DIP2A: variants seen among roughly 807,000 people sequenced by gnomAD.
DIP2A encodes DIP2 acetate--CoA ligase A, also known as disco-interacting protein 2 homolog A.
Under a neutral mutation model 177.4 loss-of-function variants are expected in DIP2A, and 85 were observed. The observed-to-expected ratio is 0.48, with a 90% CI of 0.40 to 0.57. The LOEUF is 0.57. Ranked by LOEUF, DIP2A falls within the 20% of genes least tolerant of loss-of-function variation. The probability of loss-of-function intolerance (pLI) is 0.00; values close to 1 mark genes in which losing one functional copy is unlikely to be tolerated. For synonymous variants in DIP2A, 886 were observed against 881.8 expected, an observed-to-expected ratio of 1.00 and a Z score of -0.08; for missense variants, 1,791 against 2,100.2, an observed-to-expected ratio of 0.85 and a Z score of 2.88.
chr21:46,475,296 T>A (rs1287541925), intron 1 of DIP2A, among the ~76,000 whole-genome samples: 1 of 152,264 alleles, frequency 6.6e-6, no homozygotes, highest in Non-Finnish European at 1.5e-5. Context: ...CCTGCTATTT[T>A]AAAAGGTTTA....
intron 6 of DIP2A, among the ~76,000 whole-genome samples, chr21:46,509,003 GTGAGTCTCCGTCTAAAGCA>G (rs2058169593): frequency 6.6e-6 from 1 of 152,038 alleles, no homozygotes; most frequent in Non-Finnish European, 1.5e-5. Flanking sequence ...TGGCAACAGA[GTGAGTCTCCGTCTAAAGCA>G]AAAAAACAAA....
chr21:46,517,491 C>T (rs989570194), intron 8 of DIP2A, among the ~76,000 whole-genome samples: 2 of 152,170 alleles, frequency 1.3e-5, no homozygotes, highest in African/African-American at 2.4e-5. Flanking sequence ...GCTGGCTGGT[C>T]GCTGCAGTCC....
At position 46,511,463 on chromosome 21, in the gene DIP2A, G is replaced by A. The variant is rs371373717; in HGVS notation, c.951G>A (p.Thr317=). Residue 317 remains threonine (T), a synonymous_variant, in exon 8 of 38, where the codon ACG becomes ACA. Coordinates refer to ENST00000417564, the MANE Select transcript of DIP2A (RefSeq NM_015151.4). ...PNQPKPEGSE[T]SVLRGEPLTA... is the part of the protein sequence containing the mutation. ...AGCCAAAGCCTGAGGGAAGCGAGACGAGTGTGCTGAGAGGGGAGCCTCTCA... is the reference window on the plus strand; with the variant it reads ...AGCCAAAGCCTGAGGGAAGCGAGACAAGTGTGCTGAGAGGGGAGCCTCTCA... 2.7e-5 allele frequency: 43 copies of A among 1,613,028 alleles called. No individual in the cohort carries two copies. Among genetic ancestry groups the A allele is most frequent in the Admixed American group, 8.3e-5 (5 of 59,900 alleles).
rs762054063 is a variant in DIP2A, at chr21:46,477,571, T to TG, written c.92-7186_92-7185insG. Among the ~76,000 whole-genome samples, 46 of 66,574 alleles carry TG rather than the reference T, an allele frequency of 6.9e-4. 3 individuals carry two copies. The highest frequency in any genetic ancestry group is 3.1e-3 in the South Asian group (7 of 2,272). 43.7% of individuals were successfully genotyped at this position (66,574 alleles called of 152,430 possible). On this transcript the variant is annotated intron_variant, in intron 1 of 37. Coordinates refer to ENST00000417564, the MANE Select transcript of DIP2A (RefSeq NM_015151.4). ...TGTGTGTGTGTGTGTGTGTGTGTAT[T>TG]TCTTTTTTTTTTTTTTTCTTGAGTC...
Position 46,549,819 on chromosome 21 carries a change from G to A in DIP2A, c.2571G>A (p.Leu857=), listed in dbSNP as rs772465421. The A allele has an allele frequency of 4.3e-6, 7 of 1,613,600 alleles. No homozygotes were observed. The East Asian group carries it at 1.6e-4, about 36-fold the overall frequency. ...VTVLHDDRIV[L]VAEQRPDASE... ...TGCTGCACGACGACCGGATTGTCCT[G>A]GTGGCTGAGCAGCGGCCGGATGCCT... Residue 857 remains leucine (L), a synonymous_variant, in exon 22 of 38, where the codon CTG becomes CTA. Coordinates refer to ENST00000417564, the MANE Select transcript of DIP2A (RefSeq NM_015151.4).
In DIP2A at chr21:46,551,836, G is replaced by C. The variant is rs2060284081; in HGVS notation, c.2962G>C (p.Ala988Pro). ...CCCTCTCGTGCAGTTCCTGTTCCTG[G>C]CTGACGTGCTGCAGTGGCGTGCCCA... ...SDQARKFLFL[A>P]DVLQWRAHTT... Residue 988 changes from alanine (A) to proline (P), a missense_variant, in exon 25 of 38, where the codon GCT (alanine) becomes CCT (proline). Coordinates refer to ENST00000417564, the MANE Select transcript of DIP2A (RefSeq NM_015151.4). 8.1e-6 allele frequency: 13 copies of C among 1,612,488 alleles called. No homozygotes were observed. In the Admixed American group the frequency reaches 2.2e-4, roughly 27 times the overall value.
At chr21:46,508,035 GC>G (rs1011925892) in intron 6 of DIP2A, among the ~76,000 whole-genome samples, 1 of 150,768 alleles carries the variant, frequency 6.6e-6, no homozygotes, top group Non-Finnish European at 1.5e-5. Context: ...ACTGTGCCCA[GC>G]CCCCCATTTT....
intron 20 of DIP2A, among the ~76,000 whole-genome samples, chr21:46,546,662 C>T (rs757496203): frequency 3.9e-5 from 6 of 152,294 alleles, no homozygotes; most frequent in Admixed American, 1.3e-4. Context: ...CATAGCCTGC[C>T]CCTTTCCCAT....
chr21:46,484,979 G>A (rs571583853), intron 2 of DIP2A, 151 bp downstream of exon 2: 33 of 305,700 alleles, frequency 1.1e-4, no homozygotes, highest in African/African-American at 2.3e-4. Flanking sequence ...ACAGGGTCTC[G>A]CTGTGTTGCC....
chr21:46,495,531 G>T (rs2057309513), intron 3 of DIP2A, among the ~76,000 whole-genome samples: 1 of 151,698 alleles, frequency 6.6e-6, no homozygotes, highest in Non-Finnish European at 1.5e-5. Context: ...GCCTCCCAAA[G>T]TGCTGGGATT....
In DIP2A at chr21:46,545,088, T is replaced by G. The variant is rs531684513; in HGVS notation, c.2177-49T>G. On this transcript the variant is annotated intron_variant, in intron 18 of 37. Coordinates refer to ENST00000417564, the MANE Select transcript of DIP2A (RefSeq NM_015151.4). ...GCAGCAAGGAGATCTTTGTGAGTGATCCATTTAAACACGTTCTTGATAATT... is the reference window on the plus strand; with the variant it reads ...GCAGCAAGGAGATCTTTGTGAGTGAGCCATTTAAACACGTTCTTGATAATT... 2.0e-6 allele frequency: 3 copies of G among 1,524,696 alleles called. No individual in the cohort carries two copies. In the African/African-American group the frequency reaches 4.1e-5, roughly 21 times the overall value. The allele number at this position is 1,524,696 out of a possible 1,614,324, so 94.4% of individuals were successfully genotyped here. A position where few individuals can be genotyped will look rare whatever the true frequency, so the allele number is the denominator to read the frequency against.
chr21:46,520,147 T>A (rs577808046), intron 8 of DIP2A, among the ~76,000 whole-genome samples: 70 of 152,228 alleles, frequency 4.6e-4, no homozygotes, highest in South Asian at 4.1e-3. Context: ...GTGCTGGGAT[T>A]ACAGGCATGA....
chr21:46,504,906 A>G (rs1288089744), intron 6 of DIP2A, among the ~76,000 whole-genome samples: 1 of 152,252 alleles, frequency 6.6e-6, no homozygotes, highest in Non-Finnish European at 1.5e-5. Context: ...CATCTTCAGC[A>G]GACTGTGAAA....
intron 19 of DIP2A, among the ~76,000 whole-genome samples, 188 bp from the exon 20 acceptor site, chr21:46,545,693 C>T (rs2060001838): frequency 6.6e-6 from 1 of 152,248 alleles, no homozygotes; most frequent in Non-Finnish European, 1.5e-5. Context: ...TGTTTCCTGC[C>T]TCAGGAGGCC....
intron 8 of DIP2A, among the ~76,000 whole-genome samples, chr21:46,517,655 A>G (rs1010971360): frequency 2.6e-5 from 4 of 152,190 alleles, no homozygotes; most frequent in African/African-American, 9.7e-5. Flanking sequence ...TCTGCTTTTC[A>G]GAGGTTTTCC....
intron 26 of DIP2A, 137 bp from the exon 27 acceptor site, chr21:46,554,438 G>T: frequency 6.5e-7 from 1 of 1,542,232 alleles, no homozygotes; most frequent in Non-Finnish European, 8.8e-7. Flanking sequence ...CCTCAGCTCA[G>T]CTACCCCTGT....
chr21:46,554,663 C>G lies in DIP2A; in HGVS notation c.3243C>G (p.Gly1081=). The change falls in exon 27 of 38, where the codon GGC becomes GGG. Residue 1081 remains glycine, a synonymous_variant. Transcript: ENST00000417564. ...GGCCCCCGCACCCTCAGAACCTCGGCACCACACTGCCCACCGTCAAGATGA... is the reference window on the plus strand; with the variant it reads ...GGCCCCCGCACCCTCAGAACCTCGGGACCACACTGCCCACCGTCAAGATGA... ...TVRPPHPQNL[G]TTLPTVKMIV... is the part of the protein sequence containing the mutation. 1.3e-6 allele frequency: 2 copies of G among 1,581,904 alleles called. No homozygotes were observed. The highest frequency in any genetic ancestry group is 1.7e-6 in the Non-Finnish European group (2 of 1,164,808).
At chr21:46,487,209 T>C (rs937653027) in intron 2 of DIP2A, among the ~76,000 whole-genome samples, 1 of 152,244 alleles carries the variant, frequency 6.6e-6, no homozygotes, top group Admixed American at 6.5e-5. Context: ...ACATGCTTTG[T>C]ATTGCCTATA....
At chr21:46,491,291 C>A (rs1173746315) in intron 3 of DIP2A, among the ~76,000 whole-genome samples, 1 of 152,062 alleles carries the variant, frequency 6.6e-6, no homozygotes, top group Admixed American at 6.5e-5. Flanking sequence ...TTAATATTTT[C>A]ACCACTGTGT....
Sources: allele counts gnomAD v4.1 joint callset (sites outside exome capture counted in the v4.1 genomes callset), GRCh38; gene constraint gnomAD v4.1.1; transcripts MANE v1.5; gene names NCBI Gene and HGNC (gene_info 2026-07-23, HGNC 2026-07-21).